KANK4: variants seen among roughly 807,000 people sequenced by gnomAD.
KANK4 encodes the protein KN motif and ankyrin repeat domains 4, also known as KN motif and ankyrin repeat domain-containing protein 4.
Under a neutral mutation model 80.8 loss-of-function variants are expected in KANK4, and 50 were observed. The ratio of observed to expected loss-of-function variants is 0.62; its 90% confidence interval spans 0.49 to 0.78. The LOEUF is 0.78. Ranked by LOEUF, KANK4 falls within the 30% of genes least tolerant of loss-of-function variation. KANK4 has a pLI of 0.00. For missense variants in KANK4, 1,196 were observed against 1,240.1 expected (o/e 0.96, Z 0.53); for synonymous variants, 465 against 506.9 (o/e 0.92, Z 1.11).
At chr1:62,249,150 G>A (rs1276399655) in intron 8 of KANK4, among the ~76,000 whole-genome samples, 3 of 123,256 alleles carry the variant, frequency 2.4e-5, no homozygotes, top group African/African-American at 8.9e-5. Flanking sequence ...GGTCAACAGA[G>A]CAAAATCTGT....
chr1:62,298,935 T>A (rs1049898528), intron 1 of KANK4, among the ~76,000 whole-genome samples: 3 of 151,290 alleles, frequency 2.0e-5, no homozygotes, highest in Admixed American at 1.3e-4. Flanking sequence ...TATGTATTAT[T>A]TTTTTTTTTC....
intron 1 of KANK4, among the ~76,000 whole-genome samples, chr1:62,283,865 A>G (rs1672503986): frequency 6.6e-6 from 1 of 152,236 alleles, no homozygotes; most frequent in Admixed American, 6.5e-5. Context: ...AGAATTATTC[A>G]GCACACATTA....
chr1:62,285,547 T>C (rs541886654), intron 1 of KANK4, among the ~76,000 whole-genome samples: 16 of 152,214 alleles, frequency 1.1e-4, no homozygotes, highest in Non-Finnish European at 1.8e-4. Flanking sequence ...TCAAACCTCT[T>C]TTTATTCTGC....
intron 8 of KANK4, among the ~76,000 whole-genome samples, chr1:62,250,976 A>G (rs1198687202): frequency 1.3e-5 from 2 of 152,236 alleles, no homozygotes; most frequent in Non-Finnish European, 2.9e-5. Context: ...TCCATTTTCC[A>G]TAAGTCTCTT....
chr1:62,277,959 T>A (rs539983645), intron 2 of KANK4, among the ~76,000 whole-genome samples: 1 of 152,122 alleles, frequency 6.6e-6, no homozygotes, highest in Non-Finnish European at 1.5e-5. Context: ...CACACAGTAT[T>A]TCAAAGTTCT....
chr1:62,313,817 G>A (rs965915616), intron 1 of KANK4, among the ~76,000 whole-genome samples: 2 of 151,980 alleles, frequency 1.3e-5, no homozygotes, highest in Non-Finnish European at 1.5e-5. Context: ...GTATACCTAC[G>A]TAACAAACCT....
chr1:62,271,674 A>C lies in KANK4; in HGVS notation c.1901-85T>G, dbSNP rs927088719. On this transcript the variant is annotated intron_variant, in intron 3 of 9. Coordinates refer to ENST00000371153, the MANE Select transcript of KANK4 (RefSeq NM_181712.5). ...AACCAGGATATTGCTTTGAGGGGAC[A>C]AGGGTTGCAGGTGTGTGGAGAGGTA... is the stretch of plus-strand genomic sequence containing the variant. The C allele has an allele frequency of 4.1e-5, 41 of 1,002,714 alleles. No homozygotes were observed. The Admixed American group carries it at 7.2e-4, about 18-fold the overall frequency. 62.1% of individuals were successfully genotyped at this position (1,002,714 alleles called of 1,614,324 possible).
intron 1 of KANK4, among the ~76,000 whole-genome samples, chr1:62,291,758 C>A (rs1031917554): frequency 6.6e-6 from 1 of 152,150 alleles, no homozygotes; most frequent in South Asian, 2.1e-4. Context: ...CAGGTGTGCA[C>A]CACCACGCCT....
At chr1:62,285,656 C>A (rs1462984545) in intron 1 of KANK4, among the ~76,000 whole-genome samples, 5 of 152,136 alleles carry the variant, frequency 3.3e-5, no homozygotes, top group African/African-American at 1.2e-4. Context: ...CAAGTCTCAG[C>A]CTCATTGCCA....
chr1:62,304,271 T>C (rs1644434450), intron 1 of KANK4, among the ~76,000 whole-genome samples: 1 of 152,122 alleles, frequency 6.6e-6, no homozygotes, highest in African/African-American at 2.4e-5. Context: ...TTGATCTGAA[T>C]AGCAACAGAA....
intron 9 of KANK4, among the ~76,000 whole-genome samples, chr1:62,243,030 T>C (rs1245953193): frequency 6.6e-6 from 1 of 152,062 alleles, no homozygotes; most frequent in Non-Finnish European, 1.5e-5. Context: ...ATGAGTGGGG[T>C]CTGGAACCCA....
Position 62,266,817 on chromosome 1 carries a change from T to A in KANK4, c.2234A>T (p.Tyr745Phe). The change falls in exon 6 of 10, where the codon TAT (tyrosine) becomes TTT (phenylalanine). Residue 745 changes from tyrosine to phenylalanine, a missense_variant and splice_region_variant. By Grantham distance (22) the Tyr-to-Phe change is conservative. Coordinates refer to ENST00000371153, the MANE Select transcript of KANK4 (RefSeq NM_181712.5). ...ATTAAGAAATTCTTCTGAGGGTTTA[T>A]ATCTAAATAAAACAAACATATATAC... is the stretch of plus-strand genomic sequence containing the variant. ...EEVPHSKAERYKPSEEFLNAC... is the reference protein window; with the variant it reads ...EEVPHSKAERFKPSEEFLNAC... 2 of 1,597,298 alleles carry A rather than the reference T, an allele frequency of 1.3e-6. No individual in the cohort carries two copies. The highest frequency in any genetic ancestry group is 1.7e-6 in the Non-Finnish European group (2 of 1,165,492).
At chr1:62,250,846 C>T (rs773110557) in intron 8 of KANK4, among the ~76,000 whole-genome samples, 3 of 152,214 alleles carry the variant, frequency 2.0e-5, no homozygotes, top group African/African-American at 7.2e-5. Flanking sequence ...CGGCTTCTGG[C>T]CGTCACTAGG....
intron 1 of KANK4, among the ~76,000 whole-genome samples, chr1:62,307,748 G>A (rs1205530418): frequency 6.7e-6 from 1 of 148,578 alleles, no homozygotes; most frequent in African/African-American, 2.5e-5. Context: ...GGCTAGTGTT[G>A]CCAGACCTGA....
rs61573295 is a variant in KANK4 at position 62,276,777 on chromosome 1, C to CAAAAAAAAAAAAA, written c.17-1691_17-1690insTTTTTTTTTTTTT. On this transcript the variant is annotated intron_variant, in intron 2 of 9. Coordinates refer to ENST00000371153, the MANE Select transcript of KANK4 (RefSeq NM_181712.5). ...GGGCAACGATAGCAAAACTCCATCT[C>CAAAAAAAAAAAAA]AAAAATAAGACTATTGTGAGGACTA... 4.0e-4 allele frequency among the ~76,000 whole-genome samples: 56 copies of CAAAAAAAAAAAAA among 138,808 alleles called. 1 individual carries two copies. Among genetic ancestry groups the CAAAAAAAAAAAAA allele is most frequent in the African/African-American group, 9.7e-4 (35 of 36,112 alleles). 91.1% of individuals were successfully genotyped at this position (138,808 alleles called of 152,430 possible). A position where few individuals can be genotyped will look rare whatever the true frequency, so the allele number is the denominator to read the frequency against.
At chr1:62,287,053 G>T (rs1462015907) in intron 1 of KANK4, among the ~76,000 whole-genome samples, 1 of 152,176 alleles carries the variant, frequency 6.6e-6, no homozygotes, top group African/African-American at 2.4e-5. Context: ...GAGGCGGGGT[G>T]CAGGAGCCAG....
At chr1:62,271,394 C>T (rs970825332) in intron 4 of KANK4, 84 bp downstream of exon 4, 1 of 901,586 alleles carries the variant, frequency 1.1e-6, no homozygotes, top group Non-Finnish European at 1.9e-6. Flanking sequence ...AACCAGATGC[C>T]TCCCCCTAGG....
In KANK4 at chr1:62,312,616, C is replaced by T. The variant is rs543117793; in HGVS notation, c.-71+6490G>A. On this transcript the variant is annotated intron_variant, in intron 1 of 9. Transcript: ENST00000371153. ...TTCTTCACATAGGACTCTCTTCTGC[C>T]CACCCCTCTCATCCAACTGGCCCAA... Among the ~76,000 whole-genome samples, 12 of 152,292 alleles carry T rather than the reference C, an allele frequency of 7.9e-5. No homozygotes were observed. The South Asian group carries it at 2.5e-3, about 32-fold the overall frequency.
intron 6 of KANK4, among the ~76,000 whole-genome samples, chr1:62,263,910 C>A (rs576790745): frequency 2.0e-5 from 3 of 152,296 alleles, no homozygotes; most frequent in South Asian, 2.1e-4. Flanking sequence ...CAGGACCCTG[C>A]TATCTGCAGC....
Sources: gnomAD v4.1 joint callset for allele counts (sites outside exome capture counted in the v4.1 genomes callset) on GRCh38, gnomAD v4.1.1 for gene constraint, MANE v1.5 for transcripts, NCBI Gene and HGNC (gene_info 2026-07-23, HGNC 2026-07-21) for gene names.